The following OR1J2 variants were observed in gnomAD, a reference collection of about 807,000 sequenced individuals.
OR1J2 encodes the protein olfactory receptor family 1 subfamily J member 2.
For missense variants in OR1J2, 304 were observed against 246.1 expected (o/e 1.24, Z -1.57); for synonymous variants, 142 against 99.7 (o/e 1.42, Z -2.52).
chr9:122,553,614 T>C, the OR1J2 span: 2 of 1,614,122 alleles, frequency 1.2e-6, no homozygotes, highest in African/African-American at 1.3e-5. Flanking sequence ...ACCACTCCAT[T>C]ACAGCACATC....
chr9:122,534,575 A>C, the OR1J2 span, among the ~76,000 whole-genome samples: 1 of 152,144 alleles, frequency 6.6e-6, no homozygotes, highest in East Asian at 1.9e-4. Context: ...TGTAAGCCGG[A>C]CTGGGTGTGA....
chr9:122,555,310 C>T, the OR1J2 span, among the ~76,000 whole-genome samples: 4 of 152,112 alleles, frequency 2.6e-5, no homozygotes, highest in Non-Finnish European at 4.4e-5. Context: ...GCATGCATTG[C>T]TCTTTGGTCA....
At chr9:122,570,360 G>A in the OR1J2 span, among the ~76,000 whole-genome samples, 1 of 152,134 alleles carries the variant, frequency 6.6e-6, no homozygotes, top group South Asian at 2.1e-4. Flanking sequence ...CTTCTTTACA[G>A]CAGTATATTC....
chr9:122,538,517 C>T, the OR1J2 span, among the ~76,000 whole-genome samples: 45,737 of 151,968 alleles, frequency 0.3, 7,419 homozygotes, highest in East Asian at 0.54. Context: ...CTTATCAGAT[C>T]GGTGAGTCTT....
the OR1J2 span, among the ~76,000 whole-genome samples, chr9:122,523,303 T>G: frequency 6.6e-6 from 1 of 152,142 alleles, no homozygotes; most frequent in Non-Finnish European, 1.5e-5. Flanking sequence ...GAGGTGAGTC[T>G]AGACAGGGAG....
chr9:122,540,660 C>T, the OR1J2 span, among the ~76,000 whole-genome samples: 5 of 152,182 alleles, frequency 3.3e-5, no homozygotes, highest in South Asian at 2.1e-4. Context: ...CAGAAAGTCA[C>T]TGGTAGCTTG....
the OR1J2 span, among the ~76,000 whole-genome samples, chr9:122,489,953 CACATA>C: frequency 1.3e-5 from 2 of 152,122 alleles, no homozygotes; most frequent in African/African-American, 4.8e-5. Flanking sequence ...CAGGGATAGA[CACATA>C]ACATTTAGTA....
At chr9:122,519,423 G>T in the OR1J2 span, 1 of 1,614,164 alleles carries the variant, frequency 6.2e-7, no homozygotes, top group Non-Finnish European at 8.5e-7. Flanking sequence ...CATTCTTTAT[G>T]CAGGGTGTGT....
chr9:122,507,095 C>G (rs1363425026), upstream of OR1J2, among the ~76,000 whole-genome samples: 1 of 152,112 alleles, frequency 6.6e-6, no homozygotes, highest in African/African-American at 2.4e-5. Context: ...AAATATGGTG[C>G]CTTATCTGTG....
the OR1J2 span, among the ~76,000 whole-genome samples, chr9:122,521,346 C>T: frequency 2.6e-4 from 39 of 152,284 alleles, no homozygotes; most frequent in East Asian, 7.3e-3. Flanking sequence ...CCCTAGGACA[C>T]AGCAACATAT....
the OR1J2 span, among the ~76,000 whole-genome samples, chr9:122,460,157 GTATGTA>G: frequency 7.2e-6 from 1 of 139,422 alleles, no homozygotes; most frequent in Non-Finnish European, 1.5e-5. Context: ...GTATTCCATG[GTATGTA>G]TATGTGTGTG....
the OR1J2 span, among the ~76,000 whole-genome samples, chr9:122,491,141 AAGG>A: frequency 6.6e-6 from 1 of 152,180 alleles, no homozygotes; most frequent in African/African-American, 2.4e-5. Context: ...TGTAGAAAAT[AAGG>A]AGAACAAAGG....
the OR1J2 span, among the ~76,000 whole-genome samples, chr9:122,569,029 C>T: frequency 3.9e-5 from 6 of 151,930 alleles, no homozygotes; most frequent in Non-Finnish European, 7.4e-5. Flanking sequence ...AGTTGTGTCA[C>T]GCTGAAGTTT....
the OR1J2 span, among the ~76,000 whole-genome samples, chr9:122,548,105 G>A: frequency 6.6e-6 from 1 of 152,122 alleles, no homozygotes. Flanking sequence ...GCTCAAAGCA[G>A]AAGTATACAA....
chr9:122,577,173 C>G, the OR1J2 span, among the ~76,000 whole-genome samples: 1 of 152,058 alleles, frequency 6.6e-6, no homozygotes, highest in Non-Finnish European at 1.5e-5. Context: ...TTTCTATGAC[C>G]TAGTCTTTTT....
At chr9:122,556,282 C>CT in the OR1J2 span, among the ~76,000 whole-genome samples, 2,380 of 144,344 alleles carry the variant, frequency 0.016, 56 homozygotes, top group African/African-American at 0.052. Flanking sequence ...TGTCTAGATT[C>CT]TTTTTTTTTT....
chr9:122,499,911 C>T, the OR1J2 span, among the ~76,000 whole-genome samples: 2 of 152,222 alleles, frequency 1.3e-5, no homozygotes, highest in Admixed American at 1.3e-4. Context: ...GGGCACCAAG[C>T]TGGCCTTGGC....
At chr9:122,474,965 C>T in the OR1J2 span, 1 of 152,236 alleles carries the variant, frequency 6.6e-6, no homozygotes, top group East Asian at 1.9e-4. Flanking sequence ...ACCCTGCCCT[C>T]ACCAGATGCA....
chr9:122,550,257 A>G, the OR1J2 span, among the ~76,000 whole-genome samples: 3 of 152,252 alleles, frequency 2.0e-5, no homozygotes, highest in South Asian at 4.1e-4. Context: ...GAATCATACA[A>G]TCTCCCAACA....
Sources: gnomAD v4.1 joint callset for allele counts (sites outside exome capture counted in the v4.1 genomes callset) on GRCh38, gnomAD v4.1.1 for gene constraint, MANE v1.5 for transcripts, NCBI Gene and HGNC (gene_info 2026-07-23, HGNC 2026-07-21) for gene names.